Variants in HSD17B3 observed in about 807,000 individuals in gnomAD.
HSD17B3 encodes the protein hydroxysteroid 17-beta dehydrogenase 3, also known as 17-beta-hydroxysteroid dehydrogenase type 3.
A neutral mutation model predicts 41.1 loss-of-function variants in HSD17B3; 29 were observed. The ratio of observed to expected loss-of-function variants is 0.71; its 90% confidence interval spans 0.53 to 0.96. HSD17B3 has a LOEUF of 0.96. Among genes scored for constraint, HSD17B3 ranks in the 40% least tolerant of loss-of-function variants. The probability of loss-of-function intolerance (pLI) is 0.00; values close to 1 mark genes in which losing one functional copy is unlikely to be tolerated. For missense variants in HSD17B3, 323 were observed against 374.6 expected, an observed-to-expected ratio of 0.86 and a Z score of 1.14; for synonymous variants, 126 against 145.6, an observed-to-expected ratio of 0.87 and a Z score of 0.97.
intron 3 of HSD17B3, 79 bp from the exon 4 acceptor site, chr9:96,252,989 T>C (rs1322513014): frequency 2.4e-6 from 2 of 848,760 alleles, no homozygotes; most frequent in African/African-American, 1.7e-5. Context: ...CCAGTGCTCC[T>C]GTATTACCTG....
intron 4 of HSD17B3, among the ~76,000 whole-genome samples, chr9:96,252,243 T>C (rs1255055385): frequency 6.6e-6 from 1 of 152,090 alleles, no homozygotes; most frequent in Non-Finnish European, 1.5e-5. Flanking sequence ...CATTTTAATA[T>C]TAGAAAATAT....
rs67271328 is a variant in HSD17B3, at chr9:96,289,192, GGTGT to G, written c.201+9220_201+9223del. Among the ~76,000 whole-genome samples, 870 of 148,210 alleles carry G rather than the reference GGTGT, an allele frequency of 5.9e-3. 10 individuals are homozygous for G. The highest frequency in any genetic ancestry group is 0.02 in the African/African-American group (801 of 40,002). ...TGTTTCTTTAAACAGTTGATTTCCT[GGTGT>G]GTGTGTGTGTGTGTGTGTGTGTGTA... On this transcript the variant is annotated intron_variant, in intron 2 of 10. Transcript: ENST00000375263.
At chr9:96,267,126 C>T (rs1335546021) in intron 2 of HSD17B3, among the ~76,000 whole-genome samples, 1 of 151,034 alleles carries the variant, frequency 6.6e-6, no homozygotes, top group African/African-American at 2.4e-5. Flanking sequence ...GAAAGAGCAA[C>T]TTAGTGGAAC....
chr9:96,239,477 T>C (rs1439428670), intron 10 of HSD17B3: 1 of 152,238 alleles, frequency 6.6e-6, no homozygotes, highest in Non-Finnish European at 1.5e-5. Context: ...GCATGTCTGC[T>C]TTGTAGTGTG....
At position 96,260,085 on chromosome 9, in the gene HSD17B3, G is replaced by A. The variant is rs568999186; in HGVS notation, c.202-5142C>T. On this transcript the variant is annotated intron_variant, in intron 2 of 10. Transcript: ENST00000375263. Reference sequence around the variant, plus strand: ...ACTTACAGTGTTTCTCAGGATGCAAGCATGAGCTTTCCTGTCACTTCTGGT... The same window carrying A: ...ACTTACAGTGTTTCTCAGGATGCAAACATGAGCTTTCCTGTCACTTCTGGT... Among the ~76,000 whole-genome samples, 8 of 152,296 alleles carry A rather than the reference G, an allele frequency of 5.3e-5. No individual in the cohort carries two copies. The South Asian group carries it at 1.7e-3, about 32-fold the overall frequency.
intron 2 of HSD17B3, among the ~76,000 whole-genome samples, chr9:96,279,626 C>CA (rs1347854430): frequency 6.6e-6 from 1 of 152,110 alleles, no homozygotes; most frequent in Non-Finnish European, 1.5e-5. Flanking sequence ...CTCTACAGAC[C>CA]ATAGATTTTC....
At chr9:96,282,057 G>T (rs180786202) in intron 2 of HSD17B3, among the ~76,000 whole-genome samples, 1 of 152,308 alleles carries the variant, frequency 6.6e-6, no homozygotes, top group Non-Finnish European at 1.5e-5. Flanking sequence ...GGTAACTTAG[G>T]ATAGAACATG....
chr9:96,243,581 G>A (rs1397635723), intron 9 of HSD17B3, among the ~76,000 whole-genome samples: 2 of 152,274 alleles, frequency 1.3e-5, no homozygotes, highest in South Asian at 2.1e-4. Context: ...ATAGTATATC[G>A]TAAAACTTCT....
chr9:96,269,106 C>G (rs1439733978), intron 2 of HSD17B3, among the ~76,000 whole-genome samples: 1 of 152,192 alleles, frequency 6.6e-6, no homozygotes, highest in Admixed American at 6.5e-5. Context: ...TGCTACATAA[C>G]TAGACTTTGT....
At chr9:96,301,812 C>T (rs966484971) in intron 1 of HSD17B3, 139 bp downstream of exon 1, 26 of 868,102 alleles carry the variant, frequency 3.0e-5, no homozygotes, top group African/African-American at 3.3e-5. Flanking sequence ...ACCCGGGAAG[C>T]GGAGGTTGCA....
intron 3 of HSD17B3, 46 bp downstream of exon 3, chr9:96,254,822 G>T: frequency 6.5e-7 from 1 of 1,528,378 alleles, no homozygotes; most frequent in Non-Finnish European, 9.1e-7. Context: ...AGCAGGCTTG[G>T]TTGGAGGGCT....
At chr9:96,244,564 G>A (rs1248776329) in intron 8 of HSD17B3, among the ~76,000 whole-genome samples, 170 bp from the exon 9 acceptor site, 1 of 151,952 alleles carries the variant, frequency 6.6e-6, no homozygotes, top group Non-Finnish European at 1.5e-5. Context: ...GGGTGAATAT[G>A]TTCTAGAGAT....
At chr9:96,286,348 GA>G (rs1007975314) in intron 2 of HSD17B3, among the ~76,000 whole-genome samples, 5 of 144,318 alleles carry the variant, frequency 3.5e-5, no homozygotes, top group East Asian at 4.0e-4. Context: ...TGTCTCAAAG[GA>G]AAAAAAAAAC....
chr9:96,256,465 C>T (rs1825664451), intron 2 of HSD17B3: 1 of 151,916 alleles, frequency 6.6e-6, no homozygotes, highest in South Asian at 2.1e-4. Context: ...GAAACCCTGT[C>T]TCTACTAAAA....
chr9:96,250,170 G>A, intron 5 of HSD17B3: 1 of 1,204,976 alleles, frequency 8.3e-7, no homozygotes, highest in Non-Finnish European at 1.0e-6. Flanking sequence ...ATAATATAAG[G>A]TAGAGGTTCT....
rs3222260 is a variant in HSD17B3 at position 96,277,835 on chromosome 9, GCACACACA to G, written c.201+20573_201+20580del. 2.1e-3 allele frequency among the ~76,000 whole-genome samples: 303 copies of G among 145,976 alleles called. 2 individuals are homozygous for G. The highest frequency in any genetic ancestry group is 5.2e-3 in the South Asian group (24 of 4,574). Reference sequence around the variant, plus strand: ...TTAACAGATGAATAAGGAAAATGTGGCACACACACACACACACACACACACACACACAC... The same window carrying G: ...TTAACAGATGAATAAGGAAAATGTGGCACACACACACACACACACACACAC... On this transcript the variant is annotated intron_variant, in intron 2 of 10. Transcript: ENST00000375263.
At chr9:96,292,562 G>A (rs1184228204) in intron 2 of HSD17B3, among the ~76,000 whole-genome samples, 3 of 152,028 alleles carry the variant, frequency 2.0e-5, no homozygotes, top group African/African-American at 7.2e-5. Flanking sequence ...TGGCCAGGGT[G>A]GTCTTGAACT....
intron 2 of HSD17B3, among the ~76,000 whole-genome samples, chr9:96,273,952 G>A (rs1387470818): frequency 3.3e-5 from 5 of 152,162 alleles, no homozygotes; most frequent in Non-Finnish European, 7.3e-5. Flanking sequence ...ATAAAGACTG[G>A]AAGAGGTGAT....
chr9:96,245,291 C>T, intron 8 of HSD17B3, 54 bp downstream of exon 8: 1 of 1,397,208 alleles, frequency 7.2e-7, no homozygotes, highest in South Asian at 1.2e-5. Flanking sequence ...AAATTGCCAA[C>T]TGGGAGAAAT....
Sources: allele counts gnomAD v4.1 joint callset (sites outside exome capture counted in the v4.1 genomes callset), GRCh38; gene constraint gnomAD v4.1.1; transcripts MANE v1.5; gene names NCBI Gene and HGNC (gene_info 2026-07-23, HGNC 2026-07-21).